The following TGM1 variants were observed in gnomAD, a reference collection of about 807,000 sequenced individuals.
The protein encoded by TGM1 is transglutaminase 1.
TGM1 carries 63 observed loss-of-function variants against 88.7 expected under a neutral mutation model. The ratio of observed to expected loss-of-function variants is 0.71; its 90% confidence interval spans 0.58 to 0.88. The LOEUF is 0.88. TGM1 is among the 40% of genes least tolerant of loss of function. The pLI, the probability that TGM1 is intolerant of heterozygous loss-of-function variation, is 0.00. For missense variants in TGM1, 996 were observed against 1,118.0 expected (o/e 0.89, Z 1.56); for synonymous variants, 415 against 431.1 (o/e 0.96, Z 0.46).
rs1214167939 is a variant in TGM1 at position 24,258,198 on chromosome 14, C to A, written c.1402+87G>T. The stretch of plus-strand genomic sequence containing the variant: ...GGGGTTACATGGCTTGGCTCTCCGG[C>A]CCGGCCCAGCACTGACACTCTGGAC... On this transcript the variant is annotated intron_variant, in intron 9 of 14. Transcript: ENST00000206765. The A allele has an allele frequency of 5.1e-6, 6 of 1,183,626 alleles. No homozygotes were observed. In the East Asian group the frequency reaches 1.2e-4, roughly 25 times the overall value. The allele number at this position is 1,183,626 out of a possible 1,614,324, so 73.3% of individuals were successfully genotyped here.
rs1027874149 is a variant in TGM1, at chr14:24,255,904, C to G, written c.1491+85G>C. The G allele has an allele frequency of 5.2e-5, 61 of 1,164,004 alleles. No individual in the cohort carries two copies. The African/African-American group carries it at 8.9e-4, about 17-fold the overall frequency. The allele number at this position is 1,164,004 out of a possible 1,614,324, so 72.1% of individuals were successfully genotyped here. On this transcript the variant is annotated intron_variant, in intron 10 of 14. Transcript: ENST00000206765. This position sits in a 1 kb window ranked among gnomAD's most constrained non-coding sequence, Gnocchi z 4.0. ...GTATAATGAGTGACTTGCCCCGGGTCGCAGAGCTGGTCAGTCAGCGGTGAA... is the reference window on the plus strand; with the variant it reads ...GTATAATGAGTGACTTGCCCCGGGTGGCAGAGCTGGTCAGTCAGCGGTGAA...
At chr14:24,261,598 G>A in intron 3 of TGM1, 97 bp downstream of exon 3, 1 of 1,450,040 alleles carries the variant, frequency 6.9e-7, no homozygotes, top group Non-Finnish European at 9.7e-7. Context: ...GGTGAGGAGT[G>A]GGGCAGGGAG....
intron 14 of TGM1, among the ~76,000 whole-genome samples, chr14:24,250,753 G>A (rs1025384592): frequency 4.6e-5 from 7 of 152,136 alleles, no homozygotes; most frequent in African/African-American, 1.4e-4. Context: ...CAATCTGCAC[G>A]TTTCATTTTA....
intron 4 of TGM1, 155 bp downstream of exon 4, chr14:24,260,295 C>G: frequency 7.6e-7 from 1 of 1,317,180 alleles, no homozygotes; most frequent in Admixed American, 2.0e-5. Context: ...GGCTGGCCAC[C>G]TTTCTGCACC....
At chr14:24,258,879 G>T (rs1216067286) in intron 7 of TGM1, among the ~76,000 whole-genome samples, 196 bp downstream of exon 7, 1 of 152,216 alleles carries the variant, frequency 6.6e-6, no homozygotes, top group African/African-American at 2.4e-5. Context: ...CTCAGTCCTT[G>T]CCTGTCCCTT....
intron 14 of TGM1, among the ~76,000 whole-genome samples, chr14:24,252,068 G>C (rs552111530): frequency 1.3e-5 from 2 of 152,274 alleles, no homozygotes; most frequent in South Asian, 4.1e-4. Context: ...TCACCACAGG[G>C]GGGTGGCACA....
At chr14:24,260,095 G>T in intron 4 of TGM1, 37 bp from the exon 5 acceptor site, 2 of 1,579,472 alleles carry the variant, frequency 1.3e-6, no homozygotes, top group Non-Finnish European at 1.7e-6. Context: ...GTTCCCTCCA[G>T]TTCTCTCCCT....
rs2040730820 is a variant in TGM1, at chr14:24,254,734, A to T, written c.2018T>A (p.Val673Asp). The change falls in exon 13 of 15, where the codon GTC (valine) becomes GAC (aspartate). Residue 673 changes from valine to aspartate, a missense_variant. Physicochemically the swap from Val to Asp is radical, Grantham distance 152. Coordinates refer to ENST00000206765, the MANE Select transcript of TGM1 (RefSeq NM_000359.3). ...GAMLLNVSGH[V>D]KESGQVLAKQ... is the part of the protein sequence containing the mutation. Reference sequence around the variant, plus strand: ...GGCCAGCACCTGCCCGCTCTCCTTGACGTGGCCTGAGACATTGAGCAGCAT... The same window carrying T: ...GGCCAGCACCTGCCCGCTCTCCTTGTCGTGGCCTGAGACATTGAGCAGCAT... 6.2e-7 allele frequency: 1 copy of T among 1,613,922 alleles called. No homozygotes were observed. The highest frequency in any genetic ancestry group is 1.7e-5 in the Admixed American group (1 of 60,012).
intron 3 of TGM1, 40 bp downstream of exon 3, chr14:24,261,651 CCAAA>C (rs771114364): frequency 1.2e-6 from 2 of 1,613,018 alleles, no homozygotes; most frequent in Non-Finnish European, 1.7e-6. Context: ...CCTCTCCCCA[CCAAA>C]CATAGGGCCT....
In TGM1 at chr14:24,259,363, G is replaced by T; in HGVS notation, c.985-114C>A. On this transcript the variant is annotated intron_variant, in intron 6 of 14. Coordinates refer to ENST00000206765, the MANE Select transcript of TGM1 (RefSeq NM_000359.3). This position sits in a 1 kb window ranked among gnomAD's most constrained non-coding sequence, Gnocchi z 5.7. ...CTGCAACCACCCCTTACCCCTAAAT[G>T]CCTCAGGATCCAGACACCAGCCTGA... The T allele has an allele frequency of 9.6e-7, 1 of 1,040,838 alleles. No homozygotes were observed. The highest frequency in any genetic ancestry group is 1.4e-6 in the Non-Finnish European group (1 of 691,852). 64.5% of individuals were successfully genotyped at this position (1,040,838 alleles called of 1,614,324 possible).
In TGM1 at chr14:24,254,960, A is replaced by C. The variant is rs993232402; in HGVS notation, c.1927+12T>G. On this transcript the variant is annotated intron_variant, in intron 12 of 14. Transcript: ENST00000206765. ...GCCATCCAGGGGGCAGGGCTGGGTA[A>C]GGAGCACTTACAGGCCCCTGGTGCC... The C allele has an allele frequency of 6.2e-6, 10 of 1,613,578 alleles. No individual in the cohort carries two copies. Among genetic ancestry groups the C allele is most frequent in the South Asian group, 1.1e-5 (1 of 91,066 alleles).
At chr14:24,254,872 G>A in intron 12 of TGM1, 48 bp from the exon 13 acceptor site, 2 of 1,612,938 alleles carry the variant, frequency 1.2e-6, no homozygotes, top group Non-Finnish European at 1.7e-6. Context: ...CCCTACATGA[G>A]GCTTCCCCCA....
Position 24,259,050 on chromosome 14 carries a change from A to G in TGM1, c.1159+25T>C. ...CCCTTCTCCCTGTAGGGCCCGGGCC[A>G]CTCCTGTCCCAGTCCCTCCACTACC... On this transcript the variant is annotated intron_variant, in intron 7 of 14. Coordinates refer to ENST00000206765, the MANE Select transcript of TGM1 (RefSeq NM_000359.3). The surrounding 1 kb of genome is among the most constrained non-coding windows in gnomAD (Gnocchi z 5.7). 6.2e-7 allele frequency: 1 copy of G among 1,613,036 alleles called. No individual in the cohort carries two copies.
chr14:24,251,970 C>A (rs1278159292), intron 14 of TGM1, among the ~76,000 whole-genome samples: 5 of 152,210 alleles, frequency 3.3e-5, no homozygotes, highest in African/African-American at 1.2e-4. Flanking sequence ...GGGTTTGGAA[C>A]AGACTTCCAG....
chr14:24,262,642 A>T (rs2040824335), intron 1 of TGM1, among the ~76,000 whole-genome samples: 1 of 152,238 alleles, frequency 6.6e-6, no homozygotes, highest in South Asian at 2.1e-4. Context: ...CAGGAAATCC[A>T]CATAGTTCCC....
chr14:24,254,008 G>A, intron 14 of TGM1, 144 bp downstream of exon 14: 1 of 1,132,202 alleles, frequency 8.8e-7, no homozygotes, highest in African/African-American at 1.5e-5. Flanking sequence ...GGGCCGGGAG[G>A]TATTGCTAGC....
rs121918731 is a variant in TGM1, at chr14:24,259,769, G to T, written c.919C>A (p.Arg307=). The change falls in exon 6 of 15, where the codon CGG becomes AGG. Residue 307 remains arginine, a synonymous_variant. Coordinates refer to ENST00000206765, the MANE Select transcript of TGM1 (RefSeq NM_000359.3). The surrounding 1 kb of genome is among the most constrained non-coding windows in gnomAD (Gnocchi z 5.7). The part of the protein sequence containing the change: ...VLDACLYILD[R]RGMPYGGRGD... ...CGGCCTCCATATGGCATCCCCCGCC[G>T]GTCCAGGATGTATAAGCAGGCATCC... 2 of 1,613,092 alleles carry T rather than the reference G, an allele frequency of 1.2e-6. No individual in the cohort carries two copies. The highest frequency in any genetic ancestry group is 2.2e-5 in the East Asian group (1 of 44,866).
In TGM1 at chr14:24,254,681, G is replaced by A. The variant is rs1370693608; in HGVS notation, c.2071C>T (p.Pro691Ser). Residue 691 changes from proline (P) to serine (S), a missense_variant, in exon 13 of 15, where the codon CCA becomes TCA. Pro to Ser is a moderately conservative substitution (Grantham distance 74). Transcript: ENST00000206765. Reference protein sequence around the residue: ...AKQHTFRLRTPDLSLTLLGAA... With the variant: ...AKQHTFRLRTSDLSLTLLGAA... ...GCATTCACCGTGAGGGAGAGGTCTGGGGTGCGCAGACGGAAGGTGTGCTGC... is the reference window on the plus strand; with the variant it reads ...GCATTCACCGTGAGGGAGAGGTCTGAGGTGCGCAGACGGAAGGTGTGCTGC... The A allele has an allele frequency of 6.2e-7, 1 of 1,613,924 alleles. No individual in the cohort carries two copies. The highest frequency in any genetic ancestry group is 8.5e-7 in the Non-Finnish European group (1 of 1,180,042).
rs531279056 is a variant in TGM1 at position 24,253,005 on chromosome 14, G to A, written c.2225+1147C>T. ...CTCACTACACCCAGGGGCTTGCCCA[G>A]CCCAGGATCAGGCCCAGACGGGCTG... On this transcript the variant is annotated intron_variant, in intron 14 of 14. Coordinates refer to ENST00000206765, the MANE Select transcript of TGM1 (RefSeq NM_000359.3). Among the ~76,000 whole-genome samples the A allele has an allele frequency of 5.9e-5, 9 of 152,334 alleles. No individual in the cohort carries two copies. The East Asian group carries it at 1.7e-3, about 29-fold the overall frequency.
Sources: allele counts gnomAD v4.1 joint callset (sites outside exome capture counted in the v4.1 genomes callset), GRCh38; gene constraint gnomAD v4.1.1; non-coding constraint Gnocchi (gnomAD v3.1); transcripts MANE v1.5; gene names NCBI Gene and HGNC (gene_info 2026-07-23, HGNC 2026-07-21).